DOCK2: variants seen among roughly 807,000 people sequenced by gnomAD.
DOCK2 encodes the protein dedicator of cytokinesis protein 2.
In DOCK2, 87 loss-of-function variants were observed where a neutral mutation model predicts 248.9. The ratio of observed to expected loss-of-function variants is 0.35; its 90% confidence interval spans 0.29 to 0.42. The LOEUF (loss-of-function observed/expected upper bound fraction) is 0.42, where lower values mean the gene tolerates loss of function less well. DOCK2 is among the 10% of genes least tolerant of loss of function. DOCK2 has a pLI of 1.00. For synonymous variants in DOCK2, 805 were observed against 821.6 expected (o/e 0.98, Z 0.35); for missense variants, 1,747 against 2,300.2 (o/e 0.76, Z 4.92).
intron 25 of DOCK2, among the ~76,000 whole-genome samples, chr5:169,775,292 C>A (rs1765321940): frequency 6.6e-6 from 1 of 152,174 alleles, no homozygotes; most frequent in African/African-American, 2.4e-5. Context: ...AAATCAATGG[C>A]CAGTCAGCTC....
At chr5:170,036,403 A>T in intron 35 of DOCK2, 112 bp from the exon 36 acceptor site, 1 of 1,057,518 alleles carries the variant, frequency 9.5e-7, no homozygotes, top group Non-Finnish European at 1.4e-6. Flanking sequence ...TTCCTATCTC[A>T]GGGTACCCAG....
intron 14 of DOCK2, among the ~76,000 whole-genome samples, chr5:169,704,777 G>A (rs1761161822): frequency 1.4e-5 from 2 of 138,492 alleles, no homozygotes; most frequent in Admixed American, 7.0e-5. Flanking sequence ...GTGTGTGTGT[G>A]TGTGTGTGTG....
At chr5:169,943,353 C>A (rs905721879) in intron 27 of DOCK2, among the ~76,000 whole-genome samples, 3 of 152,086 alleles carry the variant, frequency 2.0e-5, no homozygotes, top group African/African-American at 7.2e-5. Context: ...GCCCTGTGGA[C>A]AGGCAATACT....
intron 27 of DOCK2, among the ~76,000 whole-genome samples, chr5:169,874,436 A>G (rs916764086): frequency 2.7e-5 from 4 of 148,140 alleles, no homozygotes; most frequent in Admixed American, 2.7e-4. Flanking sequence ...AAAAAAAGCA[A>G]TTGGTGGTCT....
At chr5:169,986,191 A>G (rs1028463444) in intron 29 of DOCK2, among the ~76,000 whole-genome samples, 6 of 152,222 alleles carry the variant, frequency 3.9e-5, no homozygotes, top group Non-Finnish European at 8.8e-5. Context: ...GGGACAGGAG[A>G]TCTTAGAAAA....
chr5:169,640,647 A>T (rs986711216), intron 1 of DOCK2, among the ~76,000 whole-genome samples: 1 of 152,206 alleles, frequency 6.6e-6, no homozygotes, highest in South Asian at 2.1e-4. Flanking sequence ...GAAGGGAAAT[A>T]TATGGGGAAT....
At chr5:169,876,369 A>G (rs1772334532) in intron 27 of DOCK2, among the ~76,000 whole-genome samples, 1 of 152,242 alleles carries the variant, frequency 6.6e-6, no homozygotes, top group South Asian at 2.1e-4. Flanking sequence ...GACATTTAGC[A>G]AGAGAACCTG....
In DOCK2 at chr5:170,000,114, A is replaced by G. The variant is rs150020413; in HGVS notation, c.3072+3950A>G. On this transcript the variant is annotated intron_variant, in intron 30 of 51. Coordinates refer to ENST00000520908, the MANE Select transcript of DOCK2 (RefSeq NM_004946.3). The stretch of plus-strand genomic sequence containing the variant: ...CAAGAGAGGATTTCAAATTCAAATC[A>G]GCAGGTATTTTTGTTTAAGAGCAAT... 17 of 152,390 alleles carry G rather than the reference A, an allele frequency of 1.1e-4. No homozygotes were observed. In the South Asian group the frequency reaches 2.1e-3, roughly 19 times the overall value. The allele number at this position is 152,390 out of a possible 1,614,324, so 9.4% of individuals were successfully genotyped here. A position where few individuals can be genotyped will look rare whatever the true frequency, so the allele number is the denominator to read the frequency against.
intron 22 of DOCK2, among the ~76,000 whole-genome samples, chr5:169,735,945 GGAGAGGGAGAGAGAGAGAGAGA>G (rs933192681): frequency 3.3e-5 from 5 of 150,918 alleles, no homozygotes; most frequent in African/African-American, 1.2e-4. Flanking sequence ...AGAGCAGGGG[GGAGAGGGAGAGAGAGAGAGAGA>G]GAGAGGGAGA....
intron 22 of DOCK2, among the ~76,000 whole-genome samples, chr5:169,723,853 C>T (rs1321199909): frequency 1.3e-5 from 2 of 152,088 alleles, no homozygotes; most frequent in African/African-American, 2.4e-5. Context: ...CCCTTCCTTG[C>T]TGGAATGTCA....
chr5:169,729,299 T>A (rs1762643355), intron 22 of DOCK2, among the ~76,000 whole-genome samples: 1 of 152,234 alleles, frequency 6.6e-6, no homozygotes, highest in African/African-American at 2.4e-5. Context: ...CAAATGTACT[T>A]GAGGCAGGCA....
intron 25 of DOCK2, among the ~76,000 whole-genome samples, chr5:169,801,323 T>G (rs1015083483): frequency 6.6e-6 from 1 of 151,992 alleles, no homozygotes; most frequent in Non-Finnish European, 1.5e-5. Flanking sequence ...TTTCATGTAG[T>G]GCTTAAGAGC....
chr5:169,842,552 T>A (rs1261072483), intron 27 of DOCK2, among the ~76,000 whole-genome samples: 1 of 152,106 alleles, frequency 6.6e-6, no homozygotes, highest in Non-Finnish European at 1.5e-5. Context: ...GAGGCAGGGT[T>A]TTACTACATG....
At chr5:169,862,447 C>T (rs1224896184) in intron 27 of DOCK2, among the ~76,000 whole-genome samples, 1 of 152,130 alleles carries the variant, frequency 6.6e-6, no homozygotes, top group Non-Finnish European at 1.5e-5. Flanking sequence ...ATTGGATTAT[C>T]CTCTATTCTG....
intron 33 of DOCK2, among the ~76,000 whole-genome samples, chr5:170,027,523 G>T (rs1755959996): frequency 6.6e-6 from 1 of 152,048 alleles, no homozygotes; most frequent in South Asian, 2.1e-4. Flanking sequence ...TTCTGTTTCT[G>T]CGAAATTTCT....
chr5:170,080,409 C>T (rs2113879512), intron 50 of DOCK2, 126 bp downstream of exon 50: 1 of 1,441,776 alleles, frequency 6.9e-7, no homozygotes, highest in Non-Finnish European at 9.3e-7. Flanking sequence ...GAGTGAGAGG[C>T]TCTGCTCATA....
chr5:169,785,819 GT>G lies in DOCK2; in HGVS notation c.2555-17232del, dbSNP rs557473709. ...TGGGCTTCTTCTGCTGGCCATTAGT[GT>G]TTTTTTGTGGAATGCTCCTTCATTG... On this transcript the variant is annotated intron_variant, in intron 25 of 51. Coordinates refer to ENST00000520908, the MANE Select transcript of DOCK2 (RefSeq NM_004946.3). Among the ~76,000 whole-genome samples the G allele has an allele frequency of 6.2e-4, 95 of 152,120 alleles. 2 individuals are homozygous for G. In the East Asian group the frequency reaches 0.016, roughly 25 times the overall value.
intron 27 of DOCK2, among the ~76,000 whole-genome samples, chr5:169,855,496 G>A (rs1770836971): frequency 6.6e-6 from 1 of 152,164 alleles, no homozygotes; most frequent in Admixed American, 6.5e-5. Context: ...CTTATTTGTA[G>A]GGGAAGGAAT....
chr5:169,981,557 C>T (rs1392936132), intron 27 of DOCK2, among the ~76,000 whole-genome samples: 1 of 152,044 alleles, frequency 6.6e-6, no homozygotes, highest in African/African-American at 2.4e-5. Context: ...GATCGGTGAC[C>T]TTTGATGTTA....
Sources: allele counts gnomAD v4.1 joint callset (sites outside exome capture counted in the v4.1 genomes callset), GRCh38; gene constraint gnomAD v4.1.1; transcripts MANE v1.5; gene names NCBI Gene and HGNC (gene_info 2026-07-23, HGNC 2026-07-21).